PLD4: variants seen among roughly 807,000 people sequenced by gnomAD.
The protein encoded by PLD4 is phospholipase D family member 4.
Under a neutral mutation model 52.3 loss-of-function variants are expected in PLD4, and 54 were observed. The ratio of observed to expected loss-of-function variants is 1.03; its 90% CI spans 0.83 to 1.30. The LOEUF (loss-of-function observed/expected upper bound fraction) is 1.30, where lower values mean the gene tolerates loss of function less well. Among genes scored for constraint, PLD4 ranks in the 50% most tolerant of loss-of-function variants. The pLI is 0.00. For synonymous variants in PLD4, 264 were observed against 286.5 expected, an observed-to-expected ratio of 0.92 and a Z score of 0.79; for missense variants, 731 against 671.1, an observed-to-expected ratio of 1.09 and a Z score of -0.99.
chr14:104,931,064 G>C, intron 7 of PLD4, 122 bp downstream of exon 7: 1 of 1,138,664 alleles, frequency 8.8e-7, no homozygotes, highest in Non-Finnish European at 1.3e-6. Context: ...TCCTCAGGCA[G>C]CCAGCACCAT....
intron 5 of PLD4, among the ~76,000 whole-genome samples, chr14:104,929,664 C>G (rs1166777346): frequency 1.3e-5 from 2 of 152,176 alleles, no homozygotes; most frequent in Non-Finnish European, 2.9e-5. Context: ...GCACAGGTGG[C>G]CTCGGAGCCC....
chr14:104,937,345 G>A (rs1897836485), downstream of PLD4: 2 of 152,262 alleles, frequency 1.3e-5, no homozygotes, highest in African/African-American at 4.8e-5. Context: ...AGGGGACTCA[G>A]GGGCCACAGT....
chr14:104,929,043 A>G (rs1440268716), intron 4 of PLD4, 111 bp downstream of exon 4: 2 of 1,372,774 alleles, frequency 1.5e-6, no homozygotes, highest in Non-Finnish European at 2.0e-6. Context: ...GCTTGGTGGT[A>G]GGGTCTAGCA....
intron 1 of PLD4, 144 bp from the exon 2 acceptor site, chr14:104,926,997 G>A (rs545491523): frequency 3.2e-5 from 21 of 646,676 alleles, no homozygotes; most frequent in African/African-American, 2.1e-4. Context: ...CATCCAGGGC[G>A]TGACCTCGGG....
At chr14:104,930,633 C>A in intron 6 of PLD4, 109 bp from the exon 7 acceptor site, 1 of 1,162,222 alleles carries the variant, frequency 8.6e-7, no homozygotes, top group South Asian at 1.4e-5. Context: ...AAGTGGGGAC[C>A]AGTCGGGCAG....
At position 104,932,295 on chromosome 14, in the gene PLD4, A is replaced by G; in HGVS notation, c.1261A>G (p.Ile421Val). 6.2e-7 allele frequency: 1 copy of G among 1,612,656 alleles called. No individual in the cohort carries two copies. Among genetic ancestry groups the G allele is most frequent in the African/African-American group, 1.3e-5 (1 of 75,020 alleles). The change falls in exon 10 of 11, where the codon ATC becomes GTC. Residue 421 changes from isoleucine (I) to valine (V), a missense_variant. Coordinates refer to ENST00000392593, the MANE Select transcript of PLD4 (RefSeq NM_138790.5). This position sits in a 1 kb window ranked among gnomAD's most constrained non-coding sequence, Gnocchi z 6.5. Reference sequence around the variant, plus strand: ...CGTGCCGGTGGGGAACCATTCCAACATCCCATTCAGCAGGGTGAACCACAG... The same window carrying G: ...CGTGCCGGTGGGGAACCATTCCAACGTCCCATTCAGCAGGGTGAACCACAG... ...FIVPVGNHSNIPFSRVNHSKF... is the reference protein window; with the variant it reads ...FIVPVGNHSNVPFSRVNHSKF...
Position 104,927,768 on chromosome 14 carries a change from G to A in PLD4, c.186G>A (p.Gln62=). 1 of 1,599,404 alleles carries A rather than the reference G, an allele frequency of 6.3e-7. No individual in the cohort carries two copies. The highest frequency in any genetic ancestry group is 8.5e-7 in the Non-Finnish European group (1 of 1,177,160). ...WQVPRPPTWG[Q]VQPKDVPRSW... is the part of the protein sequence containing the mutation. ...TGCCCCGTCCTCCCACCTGGGGCCA[G>A]GTGCAGCCCAAGGACGTGCCCAGGT... Residue 62 remains glutamine, a synonymous_variant, in exon 3 of 11, where the codon CAG becomes CAA. Transcript: ENST00000392593.
rs759025986 is a variant in PLD4, at chr14:104,932,174, C to T, written c.1221C>T (p.Asp407=). The part of the protein sequence containing the change: ...LSNPAANVSV[D]VKVFIVPVGN... ...ACCCCGCGGCCAACGTCTCTGTGGACGTGGTGAGGGCGTGCTCCCGGCCGG... is the reference window on the plus strand; with the variant it reads ...ACCCCGCGGCCAACGTCTCTGTGGATGTGGTGAGGGCGTGCTCCCGGCCGG... The change falls in exon 9 of 11, where the codon GAC becomes GAT. Residue 407 remains aspartate (D), a synonymous_variant. Coordinates refer to ENST00000392593, the MANE Select transcript of PLD4 (RefSeq NM_138790.5). The surrounding 1 kb of genome is among the most constrained non-coding windows in gnomAD (Gnocchi z 6.5). 3.7e-6 allele frequency: 6 copies of T among 1,611,234 alleles called. No individual in the cohort carries two copies. The highest frequency in any genetic ancestry group is 4.2e-6 in the Non-Finnish European group (5 of 1,179,150).
In PLD4 at chr14:104,932,994, G is replaced by A. The variant is rs757344330; in HGVS notation, c.*30G>A. Reference sequence around the variant, plus strand: ...GGCCTCTTTTTCTCTCGGCGACCCCGCCCCGCACGCGCCCTCCCCTCTGAC... The same window carrying A: ...GGCCTCTTTTTCTCTCGGCGACCCCACCCCGCACGCGCCCTCCCCTCTGAC... On this transcript the variant is annotated 3_prime_UTR_variant, in exon 11 of 11. Coordinates refer to ENST00000392593, the MANE Select transcript of PLD4 (RefSeq NM_138790.5). This position sits in a 1 kb window ranked among gnomAD's most constrained non-coding sequence, Gnocchi z 6.5. 1.1e-5 allele frequency: 16 copies of A among 1,522,184 alleles called. No homozygotes were observed. In the South Asian group the frequency reaches 1.9e-4, roughly 19 times the overall value. The allele number at this position is 1,522,184 out of a possible 1,614,324, so 94.3% of individuals were successfully genotyped here.
chr14:104,927,450 C>T (rs545321957), intron 2 of PLD4, among the ~76,000 whole-genome samples: 4 of 152,326 alleles, frequency 2.6e-5, no homozygotes, highest in African/African-American at 7.2e-5. Context: ...CACAGCATTG[C>T]AGAGTGGGCT....
chr14:104,931,700 G>A, intron 7 of PLD4, 48 bp from the exon 8 acceptor site: 1 of 1,547,624 alleles, frequency 6.5e-7, no homozygotes, highest in East Asian at 2.4e-5. Context: ...CACAAGTTCA[G>A]AATGGGCTGG....
At position 104,929,328 on chromosome 14, in the gene PLD4, C is replaced by T. The variant is rs372532453; in HGVS notation, c.490C>T (p.Leu164=). The T allele has an allele frequency of 1.9e-6, 3 of 1,578,456 alleles. No homozygotes were observed. The highest frequency in any genetic ancestry group is 2.6e-6 in the Non-Finnish European group (3 of 1,162,564). The part of the protein sequence containing the change: ...SQLGEALLQK[L]QQLLGRNISL... ...GCAGGGAGAGGCTCTTCTGCAGAAG[C>T]TGCAGCAGCTGCTGGGCAGGAACAT... The change falls in exon 5 of 11, where the codon CTG becomes TTG. Residue 164 remains leucine, a synonymous_variant. Coordinates refer to ENST00000392593, the MANE Select transcript of PLD4 (RefSeq NM_138790.5).
At position 104,928,730 on chromosome 14, in the gene PLD4, A is replaced by G; in HGVS notation, c.285-19A>G. 6.4e-7 allele frequency: 1 copy of G among 1,553,496 alleles called. No individual in the cohort carries two copies. Among genetic ancestry groups the G allele is most frequent in the East Asian group, 2.3e-5 (1 of 43,862 alleles). Reference sequence around the variant, plus strand: ...GGGCTCCCGCACCCATACTGAGCCCAGTGTGGCTCTCCCCACAGGCTTGTC... The same window carrying G: ...GGGCTCCCGCACCCATACTGAGCCCGGTGTGGCTCTCCCCACAGGCTTGTC... On this transcript the variant is annotated intron_variant, in intron 3 of 10. Transcript: ENST00000392593.
At chr14:104,929,932 C>G in intron 5 of PLD4, 46 bp from the exon 6 acceptor site, 2 of 1,606,910 alleles carry the variant, frequency 1.2e-6, no homozygotes, top group Non-Finnish European at 1.7e-6. Context: ...ATGAAGCTAG[C>G]ACTTAGCAAG....
rs543476452 is a variant in PLD4 at position 104,929,486 on chromosome 14, C to T, written c.589+59C>T. ...CTAGCGTCGGGCATGGGCTGTCTGGCTGGCACCACAGGACAAGGAAAAGAA... is the reference window on the plus strand; with the variant it reads ...CTAGCGTCGGGCATGGGCTGTCTGGTTGGCACCACAGGACAAGGAAAAGAA... On this transcript the variant is annotated intron_variant, in intron 5 of 10. Coordinates refer to ENST00000392593, the MANE Select transcript of PLD4 (RefSeq NM_138790.5). 185 of 1,487,748 alleles carry T rather than the reference C, an allele frequency of 1.2e-4. No homozygotes were observed. The African/African-American group carries it at 2.2e-3, about 17-fold the overall frequency. The allele number at this position is 1,487,748 out of a possible 1,614,324, so 92.2% of individuals were successfully genotyped here.
In PLD4 at chr14:104,932,890, C is replaced by T. The variant is rs1212900299; in HGVS notation, c.1447C>T (p.Arg483Trp). The change falls in exon 11 of 11, where the codon CGG becomes TGG. Residue 483 changes from arginine to tryptophan, a missense_variant. Transcript: ENST00000392593. The surrounding 1 kb of genome is among the most constrained non-coding windows in gnomAD (Gnocchi z 6.5). ...VQEQLRQLFE[R>W]DWSSRYAVGL... Reference sequence around the variant, plus strand: ...GGAGCAGCTGCGGCAGCTCTTTGAGCGGGACTGGAGTTCGCGCTACGCCGT... The same window carrying T: ...GGAGCAGCTGCGGCAGCTCTTTGAGTGGGACTGGAGTTCGCGCTACGCCGT... 1.9e-6 allele frequency: 3 copies of T among 1,603,038 alleles called. No homozygotes were observed. In the South Asian group the frequency reaches 3.4e-5, roughly 18 times the overall value.
intron 3 of PLD4, among the ~76,000 whole-genome samples, chr14:104,928,468 C>T (rs566198328): frequency 6.6e-6 from 1 of 152,212 alleles, no homozygotes. Flanking sequence ...GCCAGGACCC[C>T]CCAGTCTAGC....
chr14:104,928,705 G>C (rs777321114), intron 3 of PLD4, 44 bp from the exon 4 acceptor site: 1 of 1,505,736 alleles, frequency 6.6e-7, no homozygotes, highest in African/African-American at 1.4e-5. Context: ...GGTGGGCTGG[G>C]GGCTCCCGCA....
chr14:104,927,960 G>A (rs985394073), intron 3 of PLD4, 94 bp downstream of exon 3: 44 of 1,337,928 alleles, frequency 3.3e-5, no homozygotes, highest in Non-Finnish European at 4.4e-5. Flanking sequence ...GATAAGGGGG[G>A]CCCTCTACCA....
Sources: gnomAD v4.1 joint callset for allele counts (sites outside exome capture counted in the v4.1 genomes callset) on GRCh38, gnomAD v4.1.1 for gene constraint, Gnocchi (gnomAD v3.1) non-coding constraint, MANE v1.5 for transcripts, NCBI Gene and HGNC (gene_info 2026-07-23, HGNC 2026-07-21) for gene names.